The following SEPTIN10 variants were observed in gnomAD, a reference collection of about 807,000 sequenced individuals.
SEPTIN10 encodes septin-10.
In SEPTIN10, 66 loss-of-function variants were observed where a neutral mutation model predicts 54.8. That is an observed-to-expected ratio of 1.21 (90% confidence interval 0.99 to 1.48). The LOEUF is 1.48. Among genes scored for constraint, SEPTIN10 ranks in the 40% most tolerant of loss-of-function variants. SEPTIN10 has a pLI of 0.00. For missense variants in SEPTIN10, 620 were observed against 545.6 expected (o/e 1.14, Z -1.36); for synonymous variants, 161 against 181.0 (o/e 0.89, Z 0.89).
At chr2:109,560,237 T>A (rs1056745800) in intron 8 of SEPTIN10, among the ~76,000 whole-genome samples, 2 of 152,208 alleles carry the variant, frequency 1.3e-5, no homozygotes, top group Admixed American at 6.5e-5. Flanking sequence ...CTGCCTTTTT[T>A]AACTGAACAC....
chr2:109,555,218 T>C (rs1198496354), intron 8 of SEPTIN10, among the ~76,000 whole-genome samples: 4 of 152,304 alleles, frequency 2.6e-5, no homozygotes, highest in Non-Finnish European at 5.9e-5. Flanking sequence ...CTCCTTTAAA[T>C]TGCACTCAAG....
intron 5 of SEPTIN10, among the ~76,000 whole-genome samples, chr2:109,573,902 T>C (rs965833880): frequency 1.3e-5 from 2 of 152,194 alleles, no homozygotes; most frequent in Non-Finnish European, 2.9e-5. Context: ...TACGACAATA[T>C]CTAATGCAAC....
At chr2:109,593,199 T>C (rs1486292446) in intron 1 of SEPTIN10, 80 bp from the exon 2 acceptor site, 1 of 864,236 alleles carries the variant, frequency 1.2e-6, no homozygotes, top group Non-Finnish European at 1.8e-6. Context: ...TATATTTACA[T>C]GAATAAGGTG....
At chr2:109,564,126 T>C (rs1232213306) in intron 8 of SEPTIN10, 2 of 376,682 alleles carry the variant, frequency 5.3e-6, no homozygotes, top group Non-Finnish European at 9.4e-6. Flanking sequence ...GCCTCTGCCA[T>C]ACATTCTTCA....
Position 109,567,845 on chromosome 2 carries a change from GTCA to G in SEPTIN10, c.729_731del (p.Asp244del). ...TTGCAGCGTTGACCTTAGCAATAGT[GTCA>G]TCATCCGTTGGGAACTGGTATATCT... On this transcript the variant is annotated inframe_deletion, in exon 6 of 11. Coordinates refer to ENST00000397712, the MANE Select transcript of SEPTIN10 (RefSeq NM_144710.5). 6.2e-7 allele frequency: 1 copy of G among 1,611,382 alleles called. No individual in the cohort carries two copies. The highest frequency in any genetic ancestry group is 8.5e-7 in the Non-Finnish European group (1 of 1,179,066).
At chr2:109,610,817 T>C (rs1411441821) in intron 1 of SEPTIN10, among the ~76,000 whole-genome samples, 1 of 152,230 alleles carries the variant, frequency 6.6e-6, no homozygotes, top group East Asian at 1.9e-4. Context: ...AAACATTTAA[T>C]GTAATTCCTC....
intron 2 of SEPTIN10, among the ~76,000 whole-genome samples, chr2:109,586,927 ACT>A (rs767006614): frequency 3.3e-5 from 5 of 152,174 alleles, no homozygotes; most frequent in Non-Finnish European, 7.3e-5. Context: ...AAAGTTCAAG[ACT>A]CTGCAGAAGA....
chr2:109,567,705 G>T, intron 6 of SEPTIN10, 110 bp downstream of exon 6: 1 of 1,097,230 alleles, frequency 9.1e-7, no homozygotes, highest in Non-Finnish European at 1.2e-6. Context: ...CACCTTGTTT[G>T]AAGTCTTTTT....
chr2:109,598,215 G>C (rs1695736220), intron 1 of SEPTIN10, among the ~76,000 whole-genome samples: 2 of 151,862 alleles, frequency 1.3e-5, no homozygotes, highest in Admixed American at 1.3e-4. Context: ...TTACAGGCAT[G>C]CACCACCACA....
intron 2 of SEPTIN10, among the ~76,000 whole-genome samples, chr2:109,586,283 C>A (rs1379826391): frequency 6.6e-6 from 1 of 152,148 alleles, no homozygotes; most frequent in Non-Finnish European, 1.5e-5. Flanking sequence ...AACTTACCTG[C>A]CTACTGGTAA....
intron 2 of SEPTIN10, among the ~76,000 whole-genome samples, chr2:109,592,302 T>A (rs1416751464): frequency 1.3e-5 from 2 of 151,068 alleles, no homozygotes; most frequent in East Asian, 3.9e-4. Context: ...CCGTCTCTAC[T>A]AAAAATACAA....
At position 109,546,056 on chromosome 2, in the gene SEPTIN10, C is replaced by A. The variant is rs369053227; in HGVS notation, c.1343G>T (p.Arg448Leu). Residue 448 changes from arginine to leucine, a missense_variant, in exon 10 of 11, where the codon CGT (arginine) becomes CTT (leucine). Physicochemically the swap from Arg to Leu is moderately radical, Grantham distance 102. Transcript: ENST00000397712. ...TGSNLRKDKD[R>L]KNSNFL ...GGGTGGCTGGGCCTCTTACTTCTTA[C>A]GGTCCTTGTCCTTCCTCAGGTTGCT... 68 of 1,573,416 alleles carry A rather than the reference C, an allele frequency of 4.3e-5. No individual in the cohort carries two copies. The highest frequency in any genetic ancestry group is 2.1e-4 in the Middle Eastern group (1 of 4,676).
At chr2:109,578,290 A>G (rs1690195059) in intron 4 of SEPTIN10, among the ~76,000 whole-genome samples, 1 of 152,216 alleles carries the variant, frequency 6.6e-6, no homozygotes, top group African/African-American at 2.4e-5. Context: ...AATAAGAAAC[A>G]TGTCTAAAGC....
rs1680463947 is a variant in SEPTIN10 at position 109,543,629 on chromosome 2, CAGAT to C, written c.*676_*679del. The C allele has an allele frequency of 6.6e-6, 1 of 152,222 alleles. No homozygotes were observed. 9.4% of individuals were successfully genotyped at this position (152,222 alleles called of 1,614,324 possible). On this transcript the variant is annotated 3_prime_UTR_variant, in exon 11 of 11. Coordinates refer to ENST00000397712, the MANE Select transcript of SEPTIN10 (RefSeq NM_144710.5). ...GTTCATCTTGGAATATAAATGTAAT[CAGAT>C]AGCCACGATATTAATGGGTTCTGTA...
At chr2:109,602,638 G>GCA (rs1053158949) in intron 1 of SEPTIN10, among the ~76,000 whole-genome samples, 1 of 148,308 alleles carries the variant, frequency 6.7e-6, no homozygotes, top group Non-Finnish European at 1.5e-5. Context: ...TCGCACCATT[G>GCA]CACTCCAGCC....
At position 109,579,915 on chromosome 2, in the gene SEPTIN10, G is replaced by GT. The variant is rs796563201; in HGVS notation, c.414-5149dup. Among the ~76,000 whole-genome samples, 14 of 151,666 alleles carry GT rather than the reference G, an allele frequency of 9.2e-5. 1 individual carries two copies. Among genetic ancestry groups the GT allele is most frequent in the Admixed American group, 3.9e-4 (6 of 15,224 alleles). On this transcript the variant is annotated intron_variant, in intron 4 of 10. Transcript: ENST00000397712. ...GCGTGTGGATCACCTGAGGTCAGGA[G>GT]TTTGAGACCAGCCTGGCCTACATGG...
chr2:109,567,989 A>C lies in SEPTIN10; in HGVS notation c.601-13T>G. The C allele has an allele frequency of 1.3e-6, 2 of 1,557,576 alleles. No individual in the cohort carries two copies. Among genetic ancestry groups the C allele is most frequent in the Non-Finnish European group, 1.7e-6 (2 of 1,151,668 alleles). ...GTATAATGTTTACCTATTAAGAATA[A>C]AGAAAAACAAAATCTTACTGAGGAT... On this transcript the variant is annotated splice_polypyrimidine_tract_variant and intron_variant, in intron 5 of 10. Coordinates refer to ENST00000397712, the MANE Select transcript of SEPTIN10 (RefSeq NM_144710.5).
rs778192289 is a variant in SEPTIN10 at position 109,544,205 on chromosome 2, T to C, written c.*104A>G. 2.5e-6 allele frequency: 4 copies of C among 1,607,390 alleles called. No individual in the cohort carries two copies. The highest frequency in any genetic ancestry group is 2.5e-6 in the Non-Finnish European group (3 of 1,177,330). On this transcript the variant is annotated 3_prime_UTR_variant, in exon 11 of 11. Coordinates refer to ENST00000397712, the MANE Select transcript of SEPTIN10 (RefSeq NM_144710.5). ...AGTAACTGTGGCTGTTCACCAAATA[T>C]AGAAGTGATAAAACAAATAACAGCA...
In SEPTIN10 at chr2:109,585,274, T is replaced by G; in HGVS notation, c.265A>C (p.Thr89Pro). 2 of 1,611,674 alleles carry G rather than the reference T, an allele frequency of 1.2e-6. No individual in the cohort carries two copies. The highest frequency in any genetic ancestry group is 2.2e-5 in the South Asian group (2 of 90,358). ...KSTLIDTLFN[T>P]NFEDYESSHF... ...GAGGATTCATAGTCTTCAAAATTAG[T>G]ATTAAACAATGTGTCAATCAGTGTT... Residue 89 changes from threonine to proline, a missense_variant, in exon 4 of 11, where the codon ACT becomes CCT. Physicochemically the swap from Thr to Pro is conservative, Grantham distance 38. Coordinates refer to ENST00000397712, the MANE Select transcript of SEPTIN10 (RefSeq NM_144710.5).
Sources: gnomAD v4.1 joint callset for allele counts (sites outside exome capture counted in the v4.1 genomes callset) on GRCh38, gnomAD v4.1.1 for gene constraint, MANE v1.5 for transcripts, NCBI Gene and HGNC (gene_info 2026-07-23, HGNC 2026-07-21) for gene names.